The following KLHL13 variants were observed in gnomAD, a reference collection of about 807,000 sequenced individuals.
KLHL13 encodes the protein kelch-like protein 13.
KLHL13 carries 10 observed loss-of-function variants against 37.1 expected under a neutral mutation model. The observed-to-expected ratio is 0.27, with a 90% CI of 0.17 to 0.46. The LOEUF is 0.46. KLHL13 is among the 20% of genes least tolerant of loss of function. The pLI, the probability that KLHL13 is intolerant of heterozygous loss-of-function variation, is 1.00. For synonymous variants in KLHL13, 163 were observed against 181.2 expected (o/e 0.90, Z 0.81); for missense variants, 360 against 509.3 (o/e 0.71, Z 2.82).
chrX:117,911,874 T>C (rs1404366705), intron 4 of KLHL13, among the ~76,000 whole-genome samples: 1 of 112,017 alleles, frequency 8.9e-6, no homozygotes, highest in Non-Finnish European at 1.9e-5. Flanking sequence ...AATTGCTTAT[T>C]TTACTTAGTA....
intron 1 of KLHL13, among the ~76,000 whole-genome samples, chrX:117,961,396 G>A (rs777447547): frequency 8.9e-6 from 1 of 112,109 alleles, no homozygotes; most frequent in African/African-American, 3.2e-5. Flanking sequence ...TTTCTACAAC[G>A]CATGTGTAAG....
At chrX:118,055,305 A>G (rs903519435) in intron 1 of KLHL13, among the ~76,000 whole-genome samples, 6 of 112,028 alleles carry the variant, frequency 5.4e-5, no homozygotes, top group African/African-American at 1.6e-4. Flanking sequence ...TTAAAGTAGG[A>G]TATGGTTTAC....
At chrX:118,093,204 TA>T (rs933138229) in intron 1 of KLHL13, among the ~76,000 whole-genome samples, 1 of 111,971 alleles carries the variant, frequency 8.9e-6, no homozygotes, top group African/African-American at 3.2e-5. Flanking sequence ...ACGTCTTAAA[TA>T]AAATGGCTAG....
At chrX:118,071,525 T>C (rs1016454918) in intron 1 of KLHL13, among the ~76,000 whole-genome samples, 7 of 112,126 alleles carry the variant, frequency 6.2e-5, no homozygotes, top group Non-Finnish European at 1.3e-4. Context: ...GAGCATTTTT[T>C]TCATGTGTTT....
chrX:117,922,776 G>A (rs1931790977), intron 2 of KLHL13, among the ~76,000 whole-genome samples: 1 of 111,699 alleles, frequency 9.0e-6, no homozygotes, highest in Non-Finnish European at 1.9e-5. Context: ...ATATGTGCTT[G>A]TATGTTTTTT....
chrX:118,032,714 A>G (rs1263259536), intron 1 of KLHL13, among the ~76,000 whole-genome samples: 5 of 112,393 alleles, frequency 4.4e-5, no homozygotes, highest in Non-Finnish European at 9.4e-5. Context: ...GCAGTTCCTC[A>G]CCAGCAACGG....
At chrX:117,898,972 G>A in exon 7 of KLHL13, 1 of 1,210,613 alleles carries the variant, frequency 8.3e-7, no homozygotes, top group Non-Finnish European at 1.1e-6. Context: ...TGGAAAAACT[G>A]TGAGTGTGCA....
intron 2 of KLHL13, among the ~76,000 whole-genome samples, chrX:117,934,823 CAAGAAT>C (rs1477292490): frequency 9.2e-6 from 1 of 108,967 alleles, no homozygotes; most frequent in East Asian, 2.8e-4. Flanking sequence ...TGGCACAGAA[CAAGAAT>C]AAGATTTTTT....
intron 1 of KLHL13, among the ~76,000 whole-genome samples, chrX:117,966,530 G>A (rs1211286540): frequency 9.0e-6 from 1 of 111,490 alleles, no homozygotes; most frequent in African/African-American, 3.3e-5. Flanking sequence ...AGCTACCGAT[G>A]ACCTTCTTCA....
At chrX:117,945,387 G>A (rs775033911) in intron 2 of KLHL13, 47 bp downstream of exon 3, 2 of 1,163,607 alleles carry the variant, frequency 1.7e-6, no homozygotes, top group African/African-American at 3.6e-5. Context: ...TCCATGGTGG[G>A]TTTTTTAAAG....
Position 118,016,124 on chromosome X carries a change from C to T in KLHL13, c.-55-70549G>A, listed in dbSNP as rs769708132. On this transcript the variant is annotated intron_variant, in intron 1 of 6. Transcript: ENST00000371882. Reference sequence around the variant, plus strand: ...GTGTTTCTTTAGCATGTACTATGTGCTTCGTCTTAAAAATATAATTTTAGA... The same window carrying T: ...GTGTTTCTTTAGCATGTACTATGTGTTTCGTCTTAAAAATATAATTTTAGA... Among the ~76,000 whole-genome samples, 19 of 112,002 alleles carry T rather than the reference C, an allele frequency of 1.7e-4. 1 individual carries two copies. The highest frequency in any genetic ancestry group is 6.1e-4 in the African/African-American group (19 of 30,983).
rs1462865033 is a variant in KLHL13, at chrX:117,940,476, G to A, written c.240+4958C>T. Among the ~76,000 whole-genome samples, 5 of 111,602 alleles carry A rather than the reference G, an allele frequency of 4.5e-5. No homozygotes were observed. The South Asian group carries it at 1.9e-3, about 42-fold the overall frequency. On this transcript the variant is annotated intron_variant, in intron 2 of 6. Transcript: ENST00000262820. ...TAAAGTAGCTTTTTTCTAATTCTGG[G>A]AAGAAAGTCAATGGTAGCTTGATGG...
intron 1 of KLHL13, among the ~76,000 whole-genome samples, chrX:118,069,894 A>G (rs1236991200): frequency 8.9e-6 from 1 of 112,458 alleles, no homozygotes; most frequent in East Asian, 2.8e-4. Flanking sequence ...CACCCATAAC[A>G]ACTTTCAGTC....
In KLHL13 at chrX:117,960,893, T is replaced by C. The variant is rs1358138774; in HGVS notation, c.98+11838A>G. Reference sequence around the variant, plus strand: ...GAATGATTCCGCTTGTTGCATCAAATTTTATTAAGAAAACTAATTTCATGA... The same window carrying C: ...GAATGATTCCGCTTGTTGCATCAAACTTTATTAAGAAAACTAATTTCATGA... On this transcript the variant is annotated intron_variant, in intron 1 of 6. Coordinates refer to ENST00000262820, the Ensembl canonical transcript of KLHL13. 2.7e-5 allele frequency among the ~76,000 whole-genome samples: 3 copies of C among 112,146 alleles called. No homozygotes were observed. In the East Asian group the frequency reaches 8.4e-4, roughly 31 times the overall value.
Position 117,985,375 on chromosome X carries a change from G to A in KLHL13, c.-55-39800C>T, listed in dbSNP as rs1352189807. 8.9e-6 allele frequency: 9 copies of A among 1,013,433 alleles called. No individual in the cohort carries two copies. In the Admixed American group the frequency reaches 1.5e-4, roughly 17 times the overall value. 83.5% of individuals were successfully genotyped at this position (1,013,433 alleles called of 1,213,427 possible). On this transcript the variant is annotated intron_variant, in intron 1 of 6. Coordinates refer to the KLHL13 transcript ENST00000371882. ...CAGCTAGGCTCTGCTACATAGTAGC[G>A]CACCCCAGTGCATCTGCCTGGTACA...
At chrX:117,994,713 T>C (rs752249677) in intron 1 of KLHL13, among the ~76,000 whole-genome samples, 2 of 111,883 alleles carry the variant, frequency 1.8e-5, no homozygotes, top group South Asian at 3.7e-4. Context: ...GTTGGAAGTT[T>C]TTCCTAAGGC....
intron 1 of KLHL13, among the ~76,000 whole-genome samples, chrX:118,113,067 T>C (rs2055429850): frequency 1.8e-5 from 2 of 112,127 alleles, no homozygotes; most frequent in Non-Finnish European, 3.8e-5. Flanking sequence ...AACAATGATC[T>C]GATTTTTAAT....
intron 1 of KLHL13, among the ~76,000 whole-genome samples, chrX:118,074,959 C>T (rs1002180299): frequency 2.7e-5 from 3 of 111,946 alleles, no homozygotes; most frequent in African/African-American, 9.7e-5. Flanking sequence ...ACTACTGGTT[C>T]AGCCCCTTTG....
chrX:118,015,656 A>C (rs985760859), intron 1 of KLHL13, among the ~76,000 whole-genome samples: 12 of 111,324 alleles, frequency 1.1e-4, no homozygotes, highest in Middle Eastern at 4.7e-3. Context: ...AATATATAAA[A>C]CATGCAACAT....
Sources: gnomAD v4.1 joint callset for allele counts (sites outside exome capture counted in the v4.1 genomes callset) on GRCh38, gnomAD v4.1.1 for gene constraint, MANE v1.5 for transcripts, NCBI Gene and HGNC (gene_info 2026-07-23, HGNC 2026-07-21) for gene names.